Variants in FRMD4B observed in about 807,000 individuals in gnomAD.
FRMD4B encodes the protein FERM domain containing 4B, also known as FERM domain-containing protein 4B.
A neutral mutation model predicts 141.5 loss-of-function variants in FRMD4B; 74 were observed. The ratio of observed to expected loss-of-function variants is 0.52; its 90% CI spans 0.43 to 0.63. The LOEUF (loss-of-function observed/expected upper bound fraction) is 0.63. Ranked by LOEUF, FRMD4B falls within the 30% of genes least tolerant of loss-of-function variation. The pLI, the probability that FRMD4B is intolerant of heterozygous loss-of-function variation, is 0.00. For synonymous variants in FRMD4B, 506 were observed against 467.9 expected (o/e 1.08, Z -1.05); for missense variants, 1,366 against 1,253.4 (o/e 1.09, Z -1.36).
At chr3:69,184,300 TAAAC>T (rs1179378203) in intron 19 of FRMD4B, among the ~76,000 whole-genome samples, 3 of 152,222 alleles carry the variant, frequency 2.0e-5, no homozygotes, top group African/African-American at 7.2e-5. Context: ...TATTTATACA[TAAAC>T]ATACATATTT....
chr3:69,523,449 G>A (rs1439322522), intron 1 of FRMD4B, among the ~76,000 whole-genome samples: 5 of 152,152 alleles, frequency 3.3e-5, no homozygotes, highest in African/African-American at 4.8e-5. Context: ...ATTTCCAGTG[G>A]AAGCGAGACC....
intron 1 of FRMD4B, among the ~76,000 whole-genome samples, chr3:69,355,421 C>A (rs9825845): frequency 0.37 from 56,008 of 151,734 alleles, 12,170 homozygotes; most frequent in African/African-American, 0.61. Flanking sequence ...TTGACAGAAC[C>A]TTCTATTTGT....
chr3:69,370,336 G>T (rs753914883), intron 1 of FRMD4B, among the ~76,000 whole-genome samples: 4 of 152,130 alleles, frequency 2.6e-5, no homozygotes, highest in African/African-American at 4.8e-5. Flanking sequence ...AGGAAATAGC[G>T]ATCGCTTGAC....
intron 1 of FRMD4B, among the ~76,000 whole-genome samples, chr3:69,450,045 G>C (rs578208614): frequency 7.9e-5 from 12 of 150,972 alleles, no homozygotes; most frequent in Non-Finnish European, 1.6e-4. Context: ...AGGTTCCTCA[G>C]CGTCAGTTTC....
intron 1 of FRMD4B, among the ~76,000 whole-genome samples, chr3:69,466,610 G>A (rs1486237759): frequency 2.6e-5 from 4 of 152,180 alleles, no homozygotes; most frequent in Non-Finnish European, 4.4e-5. Flanking sequence ...GCTGGATACA[G>A]GAATGATAAT....
chr3:69,402,526 C>T (rs1704582142), intron 2 of FRMD4B, among the ~76,000 whole-genome samples: 1 of 152,186 alleles, frequency 6.6e-6, no homozygotes, highest in Non-Finnish European at 1.5e-5. Flanking sequence ...ATACTTTACA[C>T]TGGACTGAAA....
chr3:69,475,583 T>C (rs376878005), intron 1 of FRMD4B, among the ~76,000 whole-genome samples: 258 of 152,134 alleles, frequency 1.7e-3, no homozygotes, highest in African/African-American at 5.8e-3. Flanking sequence ...ATATGTGCCA[T>C]ATTTTCTTAA....
intron 1 of FRMD4B, among the ~76,000 whole-genome samples, chr3:69,439,063 G>GTA (rs2106856841): frequency 1.9e-4 from 1 of 5,182 alleles, no homozygotes; most frequent in East Asian, 0.028. Context: ...GTGTGTGTAT[G>GTA]TGTGTGTGTG....
Position 69,515,135 on chromosome 3 carries a change from C to G in FRMD4B, c.-129+27071G>C, listed in dbSNP as rs193239215. 4.1e-3 allele frequency among the ~76,000 whole-genome samples: 627 copies of G among 152,188 alleles called. 1 individual carries two copies. The highest frequency in any genetic ancestry group is 0.014 in the African/African-American group (592 of 41,516). ...GGAAAGGTGTCTTACATGGCAGGAACAGGAGCAAGAGAGAGTTGGGTGGGG... is the reference window on the plus strand; with the variant it reads ...GGAAAGGTGTCTTACATGGCAGGAAGAGGAGCAAGAGAGAGTTGGGTGGGG... On this transcript the variant is annotated intron_variant, in intron 1 of 5. Coordinates refer to the FRMD4B transcript ENST00000459638.
chr3:69,318,235 A>T (rs1482592684), intron 1 of FRMD4B, among the ~76,000 whole-genome samples: 1 of 152,154 alleles, frequency 6.6e-6, no homozygotes, highest in Non-Finnish European at 1.5e-5. Flanking sequence ...TTGGACTTCC[A>T]AAGTATTGGG....
intron 9 of FRMD4B, among the ~76,000 whole-genome samples, chr3:69,221,643 C>T (rs1295151853): frequency 6.6e-6 from 1 of 152,152 alleles, no homozygotes. Context: ...ATCTGGTCTA[C>T]ATTTCTCATT....
chr3:69,202,339 A>G (rs2092976571), intron 11 of FRMD4B, among the ~76,000 whole-genome samples: 1 of 152,186 alleles, frequency 6.6e-6, no homozygotes, highest in Non-Finnish European at 1.5e-5. Context: ...TGGTGTCCAC[A>G]TAGGGTAGGA....
intron 4 of FRMD4B, among the ~76,000 whole-genome samples, chr3:69,288,789 A>T (rs1700782128): frequency 6.6e-6 from 1 of 152,236 alleles, no homozygotes. Context: ...GATCAGTGAG[A>T]GTGAAGGTAA....
At chr3:69,357,070 T>C (rs1266266068) in intron 1 of FRMD4B, among the ~76,000 whole-genome samples, 2 of 152,206 alleles carry the variant, frequency 1.3e-5, no homozygotes, top group South Asian at 2.1e-4. Flanking sequence ...ATGTGGGTGC[T>C]TATAAACACA....
chr3:69,277,017 G>T (rs773986901), intron 5 of FRMD4B, among the ~76,000 whole-genome samples: 1 of 152,194 alleles, frequency 6.6e-6, no homozygotes, highest in Non-Finnish European at 1.5e-5. Flanking sequence ...AGACTGTCAC[G>T]AAGTTGGCTA....
chr3:69,269,287 A>G (rs973504925), intron 5 of FRMD4B, among the ~76,000 whole-genome samples: 2 of 151,856 alleles, frequency 1.3e-5, no homozygotes, highest in Admixed American at 1.3e-4. Flanking sequence ...ATCAATAACT[A>G]CAAAAACAAG....
rs372568523 is a variant in FRMD4B, at chr3:69,385,804, C to G, written c.162+24G>C. The G allele has an allele frequency of 5.3e-6, 8 of 1,520,996 alleles. No homozygotes were observed. In the African/African-American group the frequency reaches 8.3e-5, roughly 16 times the overall value. 94.2% of individuals were successfully genotyped at this position (1,520,996 alleles called of 1,614,324 possible). ...GTGCCCGGCATCCTGCTGGGGCCCTCGGGTGCCGCGCGCTCCAGCTCACCT... is the reference window on the plus strand; with the variant it reads ...GTGCCCGGCATCCTGCTGGGGCCCTGGGGTGCCGCGCGCTCCAGCTCACCT... On this transcript the variant is annotated intron_variant, in intron 1 of 22. Coordinates refer to ENST00000398540, the MANE Select transcript of FRMD4B (RefSeq NM_015123.3).
chr3:69,375,264 CCCAT>C (rs1217452208), intron 1 of FRMD4B, among the ~76,000 whole-genome samples: 1,396 of 10,296 alleles, frequency 0.14, 10 homozygotes, highest in East Asian at 0.28. Flanking sequence ...TCCACCCCAT[CCCAT>C]CCATCCATCC....
At chr3:69,186,055 A>C (rs918253560) in intron 19 of FRMD4B, among the ~76,000 whole-genome samples, 1 of 151,444 alleles carries the variant, frequency 6.6e-6, no homozygotes, top group Admixed American at 6.6e-5. Flanking sequence ...AAAAAAAAAA[A>C]GTAAGTGCTC....
Sources: gnomAD v4.1 joint callset for allele counts (sites outside exome capture counted in the v4.1 genomes callset) on GRCh38, gnomAD v4.1.1 for gene constraint, MANE v1.5 for transcripts, NCBI Gene and HGNC (gene_info 2026-07-23, HGNC 2026-07-21) for gene names.